The following CCDC149 variants were observed in gnomAD, a reference collection of about 807,000 sequenced individuals.
CCDC149 encodes coiled-coil domain containing 149, also known as coiled-coil domain-containing protein 149.
A neutral mutation model predicts 59.9 loss-of-function variants in CCDC149; 45 were observed. That is an observed-to-expected ratio of 0.75 (90% CI 0.59 to 0.96). The LOEUF is 0.96. Among genes scored for constraint, CCDC149 ranks in the 40% least tolerant of loss-of-function variants. The pLI, the probability that CCDC149 is intolerant of heterozygous loss-of-function variation, is 0.00. For synonymous variants in CCDC149, 245 were observed against 260.6 expected (o/e 0.94, Z 0.58); for missense variants, 584 against 664.7 (o/e 0.88, Z 1.33).
At chr4:24,925,882 A>G (rs1024688650) in intron 1 of CCDC149, among the ~76,000 whole-genome samples, 8 of 152,144 alleles carry the variant, frequency 5.3e-5, no homozygotes, top group African/African-American at 1.4e-4. Context: ...TATCCTTCCA[A>G]TTAGGCTTGA....
At chr4:24,828,741 A>T (rs900524989) in intron 9 of CCDC149, 2 of 152,274 alleles carry the variant, frequency 1.3e-5, no homozygotes, top group Admixed American at 1.3e-4. Flanking sequence ...AGACTGTGCC[A>T]CTGCACTCCA....
intron 1 of CCDC149, among the ~76,000 whole-genome samples, chr4:24,965,732 A>G (rs1723776078): frequency 6.6e-6 from 1 of 152,244 alleles, no homozygotes; most frequent in Non-Finnish European, 1.5e-5. Flanking sequence ...GAGAAACTCG[A>G]AAAACAAGGG....
intron 1 of CCDC149, among the ~76,000 whole-genome samples, chr4:24,941,823 G>T (rs1722960825): frequency 6.6e-6 from 1 of 151,430 alleles, no homozygotes; most frequent in Non-Finnish European, 1.5e-5. Context: ...CTTGACACAT[G>T]CACTCTCCCA....
chr4:24,812,269 T>C (rs1714663457), intron 12 of CCDC149, among the ~76,000 whole-genome samples: 1 of 152,160 alleles, frequency 6.6e-6, no homozygotes, highest in Non-Finnish European at 1.5e-5. Flanking sequence ...CCTTCCCAGT[T>C]CCCTTTGTTG....
intron 9 of CCDC149, among the ~76,000 whole-genome samples, chr4:24,825,244 T>C (rs800455): frequency 0.52 from 78,339 of 152,102 alleles, 21,678 homozygotes; most frequent in Non-Finnish European, 0.62. Flanking sequence ...GACCGATGCA[T>C]ACACACAAAA....
At chr4:24,897,172 T>G (rs1036587157) in intron 1 of CCDC149, among the ~76,000 whole-genome samples, 1 of 152,100 alleles carries the variant, frequency 6.6e-6, no homozygotes, top group Non-Finnish European at 1.5e-5. Context: ...AAGAGAGCTG[T>G]GACTGAACCT....
chr4:24,816,682 TATC>T (rs1335166831), intron 12 of CCDC149, among the ~76,000 whole-genome samples: 1 of 152,204 alleles, frequency 6.6e-6, no homozygotes, highest in African/African-American at 2.4e-5. Context: ...AGCAAACAAT[TATC>T]ATTAACACTT....
At chr4:24,952,062 T>G (rs1723306734) in intron 1 of CCDC149, among the ~76,000 whole-genome samples, 1 of 152,130 alleles carries the variant, frequency 6.6e-6, no homozygotes, top group African/African-American at 2.4e-5. Context: ...CAGATCATCC[T>G]CTTTCTCATC....
chr4:24,845,640 G>A (rs899726365), intron 4 of CCDC149, among the ~76,000 whole-genome samples: 1 of 152,204 alleles, frequency 6.6e-6, no homozygotes, highest in Non-Finnish European at 1.5e-5. Context: ...CCACTAGAAC[G>A]AAACTCCCAT....
At chr4:24,916,891 C>T (rs956551898), upstream of CCDC149, among the ~76,000 whole-genome samples, 3 of 151,636 alleles carry the variant, frequency 2.0e-5, no homozygotes, top group Non-Finnish European at 4.4e-5. Context: ...TGCCAGGAGC[C>T]CCTATAGCCT....
At chr4:24,975,798 C>G (rs1440662138) in intron 1 of CCDC149, among the ~76,000 whole-genome samples, 3 of 136,098 alleles carry the variant, frequency 2.2e-5, no homozygotes, top group Non-Finnish European at 4.5e-5. Flanking sequence ...GATGTCTTCT[C>G]TGCCAATCCC....
intron 1 of CCDC149, among the ~76,000 whole-genome samples, chr4:24,951,177 A>T (rs976077052): frequency 6.6e-6 from 1 of 152,224 alleles, no homozygotes; most frequent in African/African-American, 2.4e-5. Context: ...GACAGATCCC[A>T]TGCATGCCTC....
rs529327428 is a variant in CCDC149, at chr4:24,951,323, C to T, written c.-65+28746G>A. On this transcript the variant is annotated intron_variant, in intron 1 of 12. Transcript: ENST00000389609. ...AGCTTTTAAACTTCAGGGTGGACAG[C>T]GTGGCCCTTGGGAATGTGCTTTCAT... Among the ~76,000 whole-genome samples, 7 of 152,308 alleles carry T rather than the reference C, an allele frequency of 4.6e-5. No individual in the cohort carries two copies. The East Asian group carries it at 1.3e-3, about 29-fold the overall frequency.
At position 24,822,660 on chromosome 4, in the gene CCDC149, A is replaced by G. The variant is rs1222558973; in HGVS notation, c.966-87T>C. On this transcript the variant is annotated intron_variant, in intron 9 of 12. Coordinates refer to ENST00000635206, the MANE Select transcript of CCDC149 (RefSeq NM_001330643.2). ...GAATCCCACTGGTGCCCTAGTAGAA[A>G]AGTGTTGAGATTTATGATATATGCA... 6 of 867,106 alleles carry G rather than the reference A, an allele frequency of 6.9e-6. No homozygotes were observed. The African/African-American group carries it at 1.1e-4, about 15-fold the overall frequency. The allele number at this position is 867,106 out of a possible 1,614,324, so 53.7% of individuals were successfully genotyped here.
intron 1 of CCDC149, 72 bp downstream of exon 1, chr4:24,912,745 C>A: frequency 1.8e-6 from 2 of 1,113,602 alleles, no homozygotes; most frequent in Non-Finnish European, 2.2e-6. Flanking sequence ...CTCGGCCTCT[C>A]TGGGGGCGCG....
At chr4:24,901,505 C>T (rs1721166674) in intron 1 of CCDC149, among the ~76,000 whole-genome samples, 2 of 152,276 alleles carry the variant, frequency 1.3e-5, no homozygotes, top group Non-Finnish European at 2.9e-5. Context: ...TTTAGGAGCA[C>T]ATATGCGAAT....
intron 1 of CCDC149, among the ~76,000 whole-genome samples, chr4:24,946,382 T>A (rs1024350706): frequency 6.6e-6 from 1 of 152,228 alleles, no homozygotes; most frequent in Non-Finnish European, 1.5e-5. Context: ...TTCATATGTG[T>A]CCTTGAAGTG....
intron 4 of CCDC149, among the ~76,000 whole-genome samples, chr4:24,848,943 C>G (rs1717488347): frequency 6.6e-6 from 1 of 152,200 alleles, no homozygotes; most frequent in African/African-American, 2.4e-5. Flanking sequence ...GAGAGCTGCA[C>G]TAACCCAGGT....
intron 8 of CCDC149, among the ~76,000 whole-genome samples, chr4:24,832,911 C>T (rs1341208968): frequency 6.6e-6 from 1 of 152,188 alleles, no homozygotes; most frequent in South Asian, 2.1e-4. Flanking sequence ...TTATGCTTGG[C>T]TGGGCTTGAA....
Sources: gnomAD v4.1 joint callset for allele counts (sites outside exome capture counted in the v4.1 genomes callset) on GRCh38, gnomAD v4.1.1 for gene constraint, MANE v1.5 for transcripts, NCBI Gene and HGNC (gene_info 2026-07-23, HGNC 2026-07-21) for gene names.